The following CLEC2A variants were observed in gnomAD, a reference collection of about 807,000 sequenced individuals.
The protein encoded by CLEC2A is keratinocyte-associated C-type lectin.
In CLEC2A, 19 loss-of-function variants were observed where a neutral mutation model predicts 18.6. The observed-to-expected ratio is 1.02, with a 90% confidence interval of 0.71 to 1.50. CLEC2A has a LOEUF of 1.50. CLEC2A is among the 40% of genes most tolerant of loss of function. CLEC2A has a pLI of 0.00. For synonymous variants in CLEC2A, 74 were observed against 64.0 expected (o/e 1.16, Z -0.75); for missense variants, 190 against 207.9 (o/e 0.91, Z 0.53).
chr12:9,891,499 A>G, the CLEC2A span, among the ~76,000 whole-genome samples: 1 of 152,194 alleles, frequency 6.6e-6, no homozygotes, highest in African/African-American at 2.4e-5. Context: ...GTCAATATCT[A>G]CATAATAAAA....
chr12:9,904,832 C>A (rs977977273), intron 4 of CLEC2A, among the ~76,000 whole-genome samples: 11 of 152,118 alleles, frequency 7.2e-5, no homozygotes, highest in Non-Finnish European at 1.5e-5. Context: ...CTGTTTTAGT[C>A]CTTGCAACTA....
intron 2 of CLEC2A, 106 bp downstream of exon 2, chr12:9,926,150 TAAAA>T: frequency 1.6e-6 from 1 of 632,324 alleles, no homozygotes; most frequent in South Asian, 2.3e-5. Context: ...CAAGTGTCTA[TAAAA>T]CCCTTTAATC....
intron 3 of CLEC2A, among the ~76,000 whole-genome samples, chr12:9,919,191 G>T (rs1291664468): frequency 6.6e-6 from 1 of 152,178 alleles, no homozygotes; most frequent in Non-Finnish European, 1.5e-5. Flanking sequence ...GGTGATCTCA[G>T]TGTTTATGTT....
At chr12:9,915,949 A>G (rs1227957558) in intron 4 of CLEC2A, among the ~76,000 whole-genome samples, 2 of 147,220 alleles carry the variant, frequency 1.4e-5, no homozygotes, top group Non-Finnish European at 3.0e-5. Context: ...CCTGTCTTGC[A>G]TATTTCAATA....
chr12:9,914,952 C>T (rs1863045882), intron 4 of CLEC2A, among the ~76,000 whole-genome samples: 1 of 151,994 alleles, frequency 6.6e-6, no homozygotes, highest in Non-Finnish European at 1.5e-5. Flanking sequence ...TTTTTGCAAT[C>T]TACCCATCTG....
At chr12:9,920,435 G>C (rs1863150218) in intron 3 of CLEC2A, among the ~76,000 whole-genome samples, 2 of 152,184 alleles carry the variant, frequency 1.3e-5, no homozygotes, top group South Asian at 4.1e-4. Flanking sequence ...GGGTTGCAAA[G>C]ATCCATGGGA....
chr12:9,889,700 A>G, the CLEC2A span, among the ~76,000 whole-genome samples: 1 of 151,734 alleles, frequency 6.6e-6, no homozygotes, highest in Non-Finnish European at 1.5e-5. Flanking sequence ...ACACATATAT[A>G]CATATATGTA....
chr12:9,908,998 G>A (rs57046198), downstream of CLEC2A, among the ~76,000 whole-genome samples: 15 of 152,254 alleles, frequency 9.9e-5, no homozygotes, highest in East Asian at 2.7e-3. Context: ...GAGTTTCTCT[G>A]AGAAATTCAC....
intron 1 of CLEC2A, among the ~76,000 whole-genome samples, chr12:9,928,818 T>C (rs79919020): frequency 6.6e-6 from 1 of 152,338 alleles, no homozygotes; most frequent in African/African-American, 2.4e-5. Flanking sequence ...CCACTTGCAC[T>C]GTTAAAATGA....
chr12:9,932,298 GCT>G lies in CLEC2A; in HGVS notation c.30_31del (p.Arg10SerfsTer2). ...ACCTATCCGATGTATGAAGCCATCA[GCT>G]CTGCCATCCCGCAGCTCTGGATTAA... On this transcript the variant is annotated frameshift_variant, in exon 1 of 5. Transcript: ENST00000455827. LOFTEE classifies it high-confidence loss of function. 1 of 1,551,784 alleles carries G rather than the reference GCT, an allele frequency of 6.4e-7. No homozygotes were observed. The highest frequency in any genetic ancestry group is 8.7e-7 in the Non-Finnish European group (1 of 1,146,844).
At chr12:9,920,384 G>A (rs12301973) in intron 3 of CLEC2A, among the ~76,000 whole-genome samples, 13 of 152,160 alleles carry the variant, frequency 8.5e-5, no homozygotes, top group Non-Finnish European at 1.8e-4. Context: ...CAGACTGAAG[G>A]CCCCGGTGGA....
Position 9,922,213 on chromosome 12 carries a change from A to G in CLEC2A, c.159T>C (p.Ala53=). The G allele has an allele frequency of 1.3e-6, 2 of 1,547,826 alleles. No individual in the cohort carries two copies. Among genetic ancestry groups the G allele is most frequent in the East Asian group, 2.4e-5 (1 of 40,844 alleles). ...IIMIATWSKH[A]KPVACSGDWL... ...AGTCCCCTGAACATGCCACAGGTTT[A>G]GCATGCTTGGACCATGTGGCTGAAA... is the stretch of plus-strand genomic sequence containing the variant. The change falls in exon 3 of 5, where the codon GCT becomes GCC. Residue 53 remains alanine, a synonymous_variant. Coordinates refer to ENST00000455827, the MANE Select transcript of CLEC2A (RefSeq NM_001130711.2).
chr12:9,917,629 AAAC>A (rs1863094419), intron 3 of CLEC2A, among the ~76,000 whole-genome samples: 1 of 151,748 alleles, frequency 6.6e-6, no homozygotes, highest in African/African-American at 2.4e-5. Context: ...TCAATCACGT[AAAC>A]ACCACCGCAA....
At chr12:9,895,597 A>G (rs754925229), downstream of CLEC2A, 15 of 1,211,472 alleles carry the variant, frequency 1.2e-5, no homozygotes, top group African/African-American at 1.6e-5. Context: ...GCTGCTGAAG[A>G]ATTACCTATA....
At chr12:9,922,865 T>A (rs1169612577) in intron 2 of CLEC2A, among the ~76,000 whole-genome samples, 1 of 152,192 alleles carries the variant, frequency 6.6e-6, no homozygotes, top group Non-Finnish European at 1.5e-5. Context: ...AAGAGCCAAC[T>A]ATATGCTCAA....
chr12:9,925,210 T>G (rs1863248435), intron 2 of CLEC2A, among the ~76,000 whole-genome samples: 1 of 152,258 alleles, frequency 6.6e-6, no homozygotes, highest in African/African-American at 2.4e-5. Context: ...CAAGTTGATG[T>G]GTCTTGTGTC....
intron 4 of CLEC2A, among the ~76,000 whole-genome samples, chr12:9,906,655 C>T (rs972088519): frequency 6.6e-6 from 1 of 152,148 alleles, no homozygotes; most frequent in Non-Finnish European, 1.5e-5. Flanking sequence ...TTTGGGCAGA[C>T]CAATTATTAG....
At chr12:9,910,016 C>A (rs538427), downstream of CLEC2A, among the ~76,000 whole-genome samples, 4 of 152,034 alleles carry the variant, frequency 2.6e-5, no homozygotes, top group African/African-American at 7.3e-5. Context: ...GAGGACAGGT[C>A]CTTGCCTCCA....
Position 9,932,271 on chromosome 12 carries a change from T to A in CLEC2A, c.55+4A>T. On this transcript the variant is annotated splice_donor_region_variant and intron_variant, in intron 1 of 4. Transcript: ENST00000455827. ...TTCCTTCTCATTCACTCTATAAAAC[T>A]TACCTATCCGATGTATGAAGCCATC... is the stretch of plus-strand genomic sequence containing the variant. 1 of 1,547,162 alleles carries A rather than the reference T, an allele frequency of 6.5e-7. No individual in the cohort carries two copies. Among genetic ancestry groups the A allele is most frequent in the Non-Finnish European group, 8.8e-7 (1 of 1,142,708 alleles).
Sources: allele counts gnomAD v4.1 joint callset (sites outside exome capture counted in the v4.1 genomes callset), GRCh38; gene constraint gnomAD v4.1.1; transcripts MANE v1.5; gene names NCBI Gene and HGNC (gene_info 2026-07-23, HGNC 2026-07-21).